The following ITGAV variants were observed in gnomAD, a reference collection of about 807,000 sequenced individuals.
The protein encoded by ITGAV is integrin alpha-V.
ITGAV carries 76 observed loss-of-function variants against 143.8 expected under a neutral mutation model. The observed-to-expected ratio is 0.53, with a 90% CI of 0.44 to 0.64. The LOEUF (loss-of-function observed/expected upper bound fraction) is 0.64, where lower values mean the gene tolerates loss of function less well. Among genes scored for constraint, ITGAV ranks in the 30% least tolerant of loss-of-function variants. The probability of loss-of-function intolerance (pLI) is 0.00; values close to 1 mark genes in which losing one functional copy is unlikely to be tolerated. For synonymous variants in ITGAV, 453 were observed against 446.7 expected, an observed-to-expected ratio of 1.01 and a Z score of -0.18; for missense variants, 1,193 against 1,274.7, an observed-to-expected ratio of 0.94 and a Z score of 0.98.
rs1029034370 is a variant in ITGAV at position 186,602,064 on chromosome 2, C to T, written c.229C>T (p.Gln77Ter). Residue 77 changes from glutamine (Q) to a stop codon, truncating the protein, a stop_gained, in exon 2 of 30, where the codon CAG becomes TAG. Transcript: ENST00000261023. LOFTEE classifies it high-confidence loss of function. ...GGGAGCTCCCAAAGCAAACACCACC[C>T]AGCCTGGGATTGTGGAAGGAGGGCA... Reference protein sequence around the residue: ...LVGAPKANTTQPGIVEGGQVL... With the variant: ...LVGAPKANTT 1.2e-6 allele frequency: 2 copies of T among 1,612,484 alleles called. No individual in the cohort carries two copies. Among genetic ancestry groups the T allele is most frequent in the South Asian group, 1.1e-5 (1 of 90,776 alleles).
chr2:186,668,705 G>A, intron 24 of ITGAV, 57 bp from the exon 25 acceptor site: 1 of 1,484,994 alleles, frequency 6.7e-7, no homozygotes, highest in Non-Finnish European at 9.3e-7. Context: ...TGTAGGGGAA[G>A]GATTATGGAA....
chr2:186,605,050 G>T (rs1223112731), intron 2 of ITGAV, among the ~76,000 whole-genome samples: 1 of 152,174 alleles, frequency 6.6e-6, no homozygotes, highest in Non-Finnish European at 1.5e-5. Flanking sequence ...GAGGTATTTT[G>T]ACTATTTACA....
rs199660104 is a variant in ITGAV, at chr2:186,641,396, G to T, written c.967G>T (p.Val323Leu). ...TDINGDDYAD[V>L]FIGAPLFMDR... ...TTTCTGTTCTTCTAGTTATGCAGAT[G>T]TGTTTATTGGAGCACCTCTCTTCAT... is the stretch of plus-strand genomic sequence containing the variant. The change falls in exon 12 of 30, where the codon GTG (valine) becomes TTG (leucine). Residue 323 changes from valine (V) to leucine (L), a missense_variant. Coordinates refer to ENST00000261023, the MANE Select transcript of ITGAV (RefSeq NM_002210.5). 4 of 1,613,812 alleles carry T rather than the reference G, an allele frequency of 2.5e-6. No individual in the cohort carries two copies. Among genetic ancestry groups the T allele is most frequent in the South Asian group, 1.1e-5 (1 of 91,078 alleles).
At chr2:186,608,468 G>C (rs1282226528) in intron 2 of ITGAV, among the ~76,000 whole-genome samples, 1 of 152,140 alleles carries the variant, frequency 6.6e-6, no homozygotes, top group African/African-American at 2.4e-5. Flanking sequence ...ACAGTAAAGT[G>C]CTTGGAGATA....
At chr2:186,593,281 G>T (rs1450043453) in intron 1 of ITGAV, among the ~76,000 whole-genome samples, 4 of 151,936 alleles carry the variant, frequency 2.6e-5, no homozygotes, top group African/African-American at 9.7e-5. Flanking sequence ...TGAATTATCT[G>T]CATAGTTCAT....
intron 27 of ITGAV, 24 bp from the exon 28 acceptor site, chr2:186,675,796 C>T: frequency 6.5e-7 from 1 of 1,547,152 alleles, no homozygotes; most frequent in Non-Finnish European, 8.9e-7. Context: ...TCTGGGAAAT[C>T]ATCTAATTGT....
In ITGAV at chr2:186,622,898, G is replaced by A. The variant is rs538465678; in HGVS notation, c.408+468G>A. On this transcript the variant is annotated intron_variant, in intron 3 of 29. Transcript: ENST00000261023. ...CTGCTGCAGCCTCCCGAGTAGCTGG[G>A]ATTACAGGCACCTGCCACCAGGCCT... 3.9e-5 allele frequency among the ~76,000 whole-genome samples: 6 copies of A among 152,206 alleles called. No homozygotes were observed. In the South Asian group the frequency reaches 1.0e-3, roughly 26 times the overall value.
chr2:186,622,580 C>G (rs1687560816), intron 3 of ITGAV, 150 bp downstream of exon 3: 2 of 602,198 alleles, frequency 3.3e-6, no homozygotes, highest in Non-Finnish European at 5.9e-6. Flanking sequence ...AAAGGCCACT[C>G]TGTCCAAGGA....
rs1320744966 is a variant in ITGAV, at chr2:186,631,820, C to G, written c.585+962C>G. Among the ~76,000 whole-genome samples the G allele has an allele frequency of 2.0e-5, 3 of 152,064 alleles. No individual in the cohort carries two copies. The East Asian group carries it at 5.8e-4, about 29-fold the overall frequency. Reference sequence around the variant, plus strand: ...GGCTGAGGTAGGAGGATCACTGTAGCCCAGGAGACCAGCCTGAGCAACATA... The same window carrying G: ...GGCTGAGGTAGGAGGATCACTGTAGGCCAGGAGACCAGCCTGAGCAACATA... On this transcript the variant is annotated intron_variant, in intron 5 of 29. Transcript: ENST00000261023.
At chr2:186,670,173 A>C (rs757179972) in intron 26 of ITGAV, among the ~76,000 whole-genome samples, 13 of 152,216 alleles carry the variant, frequency 8.5e-5, no homozygotes, top group Non-Finnish European at 1.3e-4. Context: ...TTAGCACTTG[A>C]TTAACCTTTG....
intron 25 of ITGAV, 141 bp from the exon 26 acceptor site, chr2:186,669,560 A>C (rs1689005776): frequency 1.6e-6 from 1 of 635,470 alleles, no homozygotes; most frequent in African/African-American, 1.8e-5. Context: ...ACTGCTCACT[A>C]TATACTGAGT....
Position 186,625,577 on chromosome 2 carries a change from A to C in ITGAV, c.513A>C (p.Pro171=), listed in dbSNP as rs768218664. ...GAACAAAGACTGTTGAGTATGCTCCATGTAGATCACGTATGTATAGGATAT... is the reference window on the plus strand; with the variant it reads ...GAACAAAGACTGTTGAGTATGCTCCCTGTAGATCACGTATGTATAGGATAT... ...QDGTKTVEYA[P]CRSQDIDADG... is the part of the protein sequence containing the mutation. Residue 171 remains proline, a synonymous_variant, in exon 4 of 30, where the codon CCA becomes CCC. Coordinates refer to ENST00000261023, the MANE Select transcript of ITGAV (RefSeq NM_002210.5). 1.2e-6 allele frequency: 2 copies of C among 1,610,084 alleles called. No individual in the cohort carries two copies. Among genetic ancestry groups the C allele is most frequent in the Non-Finnish European group, 1.7e-6 (2 of 1,176,790 alleles).
At chr2:186,593,238 TGC>T (rs547651456) in intron 1 of ITGAV, among the ~76,000 whole-genome samples, 299 of 152,310 alleles carry the variant, frequency 2.0e-3, no homozygotes, top group African/African-American at 6.5e-3. Context: ...AATTATTTTA[TGC>T]CTAATTTTTC....
chr2:186,603,012 T>G (rs1686956381), intron 2 of ITGAV, among the ~76,000 whole-genome samples: 2 of 152,174 alleles, frequency 1.3e-5, no homozygotes, highest in Admixed American at 1.3e-4. Flanking sequence ...AGGGATAATT[T>G]TCAGTGTCAG....
In ITGAV at chr2:186,676,910, C is replaced by T; in HGVS notation, c.3026C>T (p.Ala1009Val). 3 of 1,613,490 alleles carry T rather than the reference C, an allele frequency of 1.9e-6. No individual in the cohort carries two copies. Among genetic ancestry groups the T allele is most frequent in the East Asian group, 2.2e-5 (1 of 44,848 alleles). ...LAVLAGLLLL[A>V]VLVFVMYRMG... is the part of the protein sequence containing the mutation. ...GTTCTAGCAGGATTGTTGCTACTGG[C>T]TGTTTTGGTATTTGTAATGTACAGG... The change falls in exon 29 of 30, where the codon GCT becomes GTT. Residue 1009 changes from alanine (A) to valine (V), a missense_variant. Transcript: ENST00000261023.
At chr2:186,674,755 G>A (rs972183479) in intron 26 of ITGAV, among the ~76,000 whole-genome samples, 5 of 151,704 alleles carry the variant, frequency 3.3e-5, no homozygotes, top group South Asian at 2.1e-4. Flanking sequence ...CAAGCGATAC[G>A]CCTGCCTCAG....
chr2:186,608,853 C>T (rs1446482724), intron 2 of ITGAV, among the ~76,000 whole-genome samples: 1 of 151,972 alleles, frequency 6.6e-6, no homozygotes, highest in Non-Finnish European at 1.5e-5. Flanking sequence ...GGTAACTTAA[C>T]AGTTATCTGA....
At chr2:186,607,105 G>A (rs1330066527) in intron 2 of ITGAV, among the ~76,000 whole-genome samples, 1 of 151,982 alleles carries the variant, frequency 6.6e-6, no homozygotes, top group Admixed American at 6.6e-5. Context: ...ACATTACCTT[G>A]GGAAAATTAC....
chr2:186,610,046 C>T (rs1488530317), intron 2 of ITGAV, among the ~76,000 whole-genome samples: 2 of 152,082 alleles, frequency 1.3e-5, no homozygotes, highest in East Asian at 3.9e-4. Flanking sequence ...GTAGATTTCA[C>T]ATGAACATTG....
Sources: gnomAD v4.1 joint callset for allele counts (sites outside exome capture counted in the v4.1 genomes callset) on GRCh38, gnomAD v4.1.1 for gene constraint, MANE v1.5 for transcripts, NCBI Gene and HGNC (gene_info 2026-07-23, HGNC 2026-07-21) for gene names.